The following PTPRO variants were observed in gnomAD, a reference collection of about 807,000 sequenced individuals.
The protein encoded by PTPRO is protein tyrosine phosphatase receptor type O.
In PTPRO, 62 loss-of-function variants were observed where a neutral mutation model predicts 145.2. That is an observed-to-expected ratio of 0.43 (90% CI 0.35 to 0.53). PTPRO has a LOEUF of 0.53. Among genes scored for constraint, PTPRO ranks in the 20% least tolerant of loss-of-function variants. The probability of loss-of-function intolerance (pLI) is 0.01; values close to 1 mark genes in which losing one functional copy is unlikely to be tolerated. For missense variants in PTPRO, 1,345 were observed against 1,482.7 expected (o/e 0.91, Z 1.53); for synonymous variants, 565 against 514.7 (o/e 1.10, Z -1.32).
At chr12:15,546,765 G>C in intron 13 of PTPRO, 57 bp downstream of exon 13, 1 of 1,593,436 alleles carries the variant, frequency 6.3e-7, no homozygotes, top group Non-Finnish European at 8.6e-7. Flanking sequence ...CTAATTATCT[G>C]GGCAAAATAA....
intron 1 of PTPRO, among the ~76,000 whole-genome samples, chr12:15,372,036 A>G (rs1340246856): frequency 6.6e-6 from 1 of 152,158 alleles, no homozygotes; most frequent in East Asian, 1.9e-4. Context: ...GTAAAACCAA[A>G]CTAATACACT....
intron 1 of PTPRO, among the ~76,000 whole-genome samples, chr12:15,331,284 T>C (rs1866600683): frequency 6.6e-6 from 1 of 152,040 alleles, no homozygotes; most frequent in South Asian, 2.1e-4. Context: ...TATCTTTATA[T>C]TAGGAAATAG....
intron 1 of PTPRO, among the ~76,000 whole-genome samples, chr12:15,470,877 T>C (rs577922138): frequency 6.6e-6 from 1 of 152,208 alleles, no homozygotes; most frequent in South Asian, 2.1e-4. Context: ...GCCTACAGGC[T>C]GGGGCAGACC....
intron 1 of PTPRO, among the ~76,000 whole-genome samples, chr12:15,478,286 A>C (rs1330455957): frequency 2.0e-5 from 3 of 152,218 alleles, no homozygotes; most frequent in Non-Finnish European, 4.4e-5. Flanking sequence ...CTATGATAGC[A>C]ACCTAGACCT....
In PTPRO at chr12:15,526,198, C is replaced by A; in HGVS notation, c.2100C>A (p.Asn700Lys). 6.2e-7 allele frequency: 1 copy of A among 1,613,864 alleles called. No individual in the cohort carries two copies. The highest frequency in any genetic ancestry group is 8.5e-7 in the Non-Finnish European group (1 of 1,179,818). Reference protein sequence around the residue: ...ILSLPPGDIYNLSVTACTERG... With the variant: ...ILSLPPGDIYKLSVTACTERG... ...GCTTGCCTCCAGGCGACATCTATAACCTCTCAGTAACTGCTTGTACTGAAA... is the reference window on the plus strand; with the variant it reads ...GCTTGCCTCCAGGCGACATCTATAAACTCTCAGTAACTGCTTGTACTGAAA... The change falls in exon 12 of 27, where the codon AAC becomes AAA. Residue 700 changes from asparagine (N) to lysine (K), a missense_variant. By Grantham distance (94) the Asn-to-Lys change is moderately conservative. This residue lies in a region of PTPRO where 1,130 missense variants were observed against 1,214.7 expected (regional missense o/e 0.93). Coordinates refer to ENST00000281171, the MANE Select transcript of PTPRO (RefSeq NM_030667.3).
chr12:15,358,101 T>C (rs895802747), intron 1 of PTPRO, among the ~76,000 whole-genome samples: 2 of 150,986 alleles, frequency 1.3e-5, no homozygotes, highest in African/African-American at 4.9e-5. Flanking sequence ...ATGGATGAAA[T>C]TGGAAATCAT....
intron 2 of PTPRO, among the ~76,000 whole-genome samples, chr12:15,484,721 C>G (rs930024420): frequency 9.2e-5 from 14 of 151,944 alleles, no homozygotes; most frequent in African/African-American, 3.4e-4. Flanking sequence ...TTGTTATTCC[C>G]CACCTCATCT....
chr12:15,507,039 C>T (rs924646458), intron 6 of PTPRO, among the ~76,000 whole-genome samples: 1 of 152,072 alleles, frequency 6.6e-6, no homozygotes, highest in African/African-American at 2.4e-5. Context: ...AATCCTAGCT[C>T]TACTTACTCT....
chr12:15,509,203 G>A (rs185857997), intron 7 of PTPRO, among the ~76,000 whole-genome samples: 48 of 152,240 alleles, frequency 3.2e-4, no homozygotes, highest in African/African-American at 1.1e-3. Flanking sequence ...GGAGCTGAGC[G>A]TGAGTAACAT....
At chr12:15,583,176 A>T (rs1944357073) in intron 23 of PTPRO, among the ~76,000 whole-genome samples, 2 of 152,158 alleles carry the variant, frequency 1.3e-5, no homozygotes, top group African/African-American at 4.8e-5. Context: ...TGGTTTTTAC[A>T]TTTTTTAATG....
intron 1 of PTPRO, among the ~76,000 whole-genome samples, chr12:15,433,397 A>G (rs987571501): frequency 1.4e-4 from 21 of 152,026 alleles, no homozygotes; most frequent in African/African-American, 5.1e-4. Context: ...GTTAGCCAGG[A>G]TGGTCTTGAT....
intron 8 of PTPRO, among the ~76,000 whole-genome samples, chr12:15,516,208 T>C (rs547991454): frequency 6.0e-5 from 9 of 149,996 alleles, no homozygotes; most frequent in Non-Finnish European, 1.2e-4. Flanking sequence ...GCCAGGATGG[T>C]CTCGATCTGA....
At chr12:15,516,385 A>G (rs1942587398) in intron 8 of PTPRO, among the ~76,000 whole-genome samples, 1 of 149,028 alleles carries the variant, frequency 6.7e-6, no homozygotes, top group Admixed American at 6.7e-5. Flanking sequence ...GAACGAACGA[A>G]AGAGAGAGAG....
At chr12:15,557,347 TA>T in intron 15 of PTPRO, 107 bp from the exon 16 acceptor site, 1 of 1,071,696 alleles carries the variant, frequency 9.3e-7, no homozygotes, top group Non-Finnish European at 1.4e-6. Context: ...TTCTTTTTTT[TA>T]ATTTAATGCT....
intron 1 of PTPRO, among the ~76,000 whole-genome samples, chr12:15,453,389 A>G (rs1315192621): frequency 6.6e-6 from 1 of 152,170 alleles, no homozygotes; most frequent in Non-Finnish European, 1.5e-5. Context: ...AGAATTTATG[A>G]ATTTATATTG....
intron 1 of PTPRO, among the ~76,000 whole-genome samples, chr12:15,419,637 C>G (rs528808489): frequency 4.0e-5 from 6 of 151,416 alleles, no homozygotes; most frequent in African/African-American, 1.5e-4. Flanking sequence ...ATTTATGCAC[C>G]GCATTTACTT....
chr12:15,400,346 T>C (rs1939457015), intron 1 of PTPRO, among the ~76,000 whole-genome samples: 1 of 152,146 alleles, frequency 6.6e-6, no homozygotes, highest in Admixed American at 6.5e-5. Flanking sequence ...CAAAACCCTG[T>C]GTGATGAAAC....
At chr12:15,345,408 C>A (rs962136864) in intron 1 of PTPRO, among the ~76,000 whole-genome samples, 1 of 152,146 alleles carries the variant, frequency 6.6e-6, no homozygotes, top group African/African-American at 2.4e-5. Context: ...CACATATGCA[C>A]CATGGTATAC....
At position 15,449,123 on chromosome 12, in the gene PTPRO, CA is replaced by C. The variant is rs59963079; in HGVS notation, c.76-34838del. On this transcript the variant is annotated intron_variant, in intron 1 of 26. Coordinates refer to ENST00000281171, the MANE Select transcript of PTPRO (RefSeq NM_030667.3). The stretch of plus-strand genomic sequence containing the variant: ...CACGTAGTGAAAGAAGATTTACAGA[CA>C]AAAAAAAAAAAAGGAAATGACATAC... 6.8e-4 allele frequency among the ~76,000 whole-genome samples: 96 copies of C among 140,512 alleles called. 1 individual carries two copies. Among genetic ancestry groups the C allele is most frequent in the Middle Eastern group, 3.7e-3 (1 of 272 alleles). The allele number at this position is 140,512 out of a possible 152,430, so 92.2% of individuals were successfully genotyped here. A position where few individuals can be genotyped will look rare whatever the true frequency, so the allele number is the denominator to read the frequency against.
Sources: gnomAD v4.1 joint callset for allele counts (sites outside exome capture counted in the v4.1 genomes callset) on GRCh38, gnomAD v4.1.1 for gene constraint, gnomAD v4.1.1 regional missense constraint, MANE v1.5 for transcripts, NCBI Gene and HGNC (gene_info 2026-07-23, HGNC 2026-07-21) for gene names.